The following MYO1D variants were observed in gnomAD, a reference collection of about 807,000 sequenced individuals.
The protein encoded by MYO1D is myosin ID.
In MYO1D, 83 loss-of-function variants were observed where a neutral mutation model predicts 122.0. The ratio of observed to expected loss-of-function variants is 0.68; its 90% confidence interval spans 0.57 to 0.82. MYO1D has a LOEUF of 0.82. Among genes scored for constraint, MYO1D ranks in the 40% least tolerant of loss-of-function variants. The pLI is 0.00. For synonymous variants in MYO1D, 464 were observed against 446.9 expected (o/e 1.04, Z -0.48); for missense variants, 1,157 against 1,269.5 (o/e 0.91, Z 1.35).
intron 21 of MYO1D, among the ~76,000 whole-genome samples, chr17:32,501,551 A>G (rs1909318780): frequency 6.6e-6 from 1 of 152,172 alleles, no homozygotes; most frequent in Non-Finnish European, 1.5e-5. Context: ...TCCATGCTTC[A>G]ATCATGGACA....
chr17:32,565,426 A>G (rs2087163787), intron 21 of MYO1D, among the ~76,000 whole-genome samples: 1 of 151,782 alleles, frequency 6.6e-6, no homozygotes, highest in Non-Finnish European at 1.5e-5. Flanking sequence ...TCCCCCTAAA[A>G]CCTCACCTCT....
intron 1 of MYO1D, among the ~76,000 whole-genome samples, chr17:32,798,966 G>A (rs905814263): frequency 2.0e-5 from 3 of 152,126 alleles, no homozygotes; most frequent in Non-Finnish European, 2.9e-5. Flanking sequence ...ACTACTAAGA[G>A]ATTCATTATT....
At chr17:32,778,603 A>G (rs1567638123) in intron 2 of MYO1D, 30 bp from the exon 3 acceptor site, 18 of 1,557,014 alleles carry the variant, frequency 1.2e-5, no homozygotes, top group Non-Finnish European at 1.4e-5. Context: ...AGGGCTTAAC[A>G]TAATAATTTA....
chr17:32,632,620 C>T (rs992310883), intron 20 of MYO1D: 1 of 143,274 alleles, frequency 7.0e-6, no homozygotes, highest in Admixed American at 7.0e-5. Context: ...CACACACACA[C>T]ACACACATAT....
intron 21 of MYO1D, among the ~76,000 whole-genome samples, chr17:32,587,529 A>G (rs2087400230): frequency 1.3e-5 from 2 of 152,040 alleles, no homozygotes; most frequent in African/African-American, 4.8e-5. Context: ...AAAAAAAAAA[A>G]AGTCACTTGC....
chr17:32,847,788 TAC>T (rs1238352025), intron 1 of MYO1D, among the ~76,000 whole-genome samples: 1 of 152,200 alleles, frequency 6.6e-6, no homozygotes, highest in Non-Finnish European at 1.5e-5. Context: ...ATGCTGAGAT[TAC>T]AGTCATGAGC....
chr17:32,744,292 T>C (rs1488502194), intron 13 of MYO1D, among the ~76,000 whole-genome samples: 2 of 152,212 alleles, frequency 1.3e-5, no homozygotes, highest in Admixed American at 1.3e-4. Flanking sequence ...TCTGCTGAAA[T>C]GTCACCTCTA....
At position 32,733,197 on chromosome 17, in the gene MYO1D, C is replaced by T. The variant is rs534787540; in HGVS notation, c.1746+5056G>A. Among the ~76,000 whole-genome samples the T allele has an allele frequency of 1.1e-4, 17 of 152,304 alleles. No homozygotes were observed. The South Asian group carries it at 3.5e-3, about 32-fold the overall frequency. The stretch of plus-strand genomic sequence containing the variant: ...GGCTGAGTAGGTGGAACAAGCCTGG[C>T]AGGCTTGAGCAAAACTCAGGCAAAG... On this transcript the variant is annotated intron_variant, in intron 14 of 21. Transcript: ENST00000318217.
chr17:32,763,685 C>T (rs1183242756), intron 8 of MYO1D, among the ~76,000 whole-genome samples: 1 of 152,092 alleles, frequency 6.6e-6, no homozygotes, highest in African/African-American at 2.4e-5. Context: ...TTTGGGAGGC[C>T]AAGGCAGGTA....
intron 21 of MYO1D, among the ~76,000 whole-genome samples, chr17:32,521,223 G>A (rs979801814): frequency 6.6e-6 from 1 of 152,056 alleles, no homozygotes; most frequent in Admixed American, 6.5e-5. Flanking sequence ...GCCTCCCTCC[G>A]CTGCCTACTC....
intron 20 of MYO1D, among the ~76,000 whole-genome samples, chr17:32,635,196 G>T (rs906428244): frequency 1.1e-4 from 17 of 152,280 alleles, no homozygotes; most frequent in African/African-American, 4.1e-4. Context: ...GCTGACCCAT[G>T]CTGTCTAGCA....
chr17:32,535,916 T>C (rs1910649520), intron 21 of MYO1D, among the ~76,000 whole-genome samples: 1 of 152,234 alleles, frequency 6.6e-6, no homozygotes, highest in Non-Finnish European at 1.5e-5. Flanking sequence ...AGCTTAACTC[T>C]ATTCCTGCAG....
Position 32,776,014 on chromosome 17 carries a change from C to T in MYO1D, c.414G>A (p.Leu138=), listed in dbSNP as rs759295956. Residue 138 remains leucine (L), a synonymous_variant, in exon 4 of 22, where the codon TTG becomes TTA. Transcript: ENST00000318217. The stretch of plus-strand genomic sequence containing the variant: ...CTTCCAAAACACAGTTGGACTTAAG[C>T]AACATATTCTTCACTCTTTAACACA... ...RAEVERVKNM[L]LKSNCVLEAF... The T allele has an allele frequency of 9.9e-6, 16 of 1,613,610 alleles. No homozygotes were observed. The highest frequency in any genetic ancestry group is 1.4e-5 in the Non-Finnish European group (16 of 1,179,830).
chr17:32,635,699 C>T (rs1164962448), intron 20 of MYO1D, among the ~76,000 whole-genome samples: 5 of 151,520 alleles, frequency 3.3e-5, no homozygotes, highest in African/African-American at 1.2e-4. Context: ...TCTCGGGTGG[C>T]GGGGGGGTGG....
intron 20 of MYO1D, 85 bp from the exon 21 acceptor site, chr17:32,605,326 G>A: frequency 1.5e-6 from 2 of 1,307,454 alleles, no homozygotes; most frequent in Non-Finnish European, 2.1e-6. Context: ...TGGGCATGGT[G>A]GCATGTGCCT....
chr17:32,657,369 G>C (rs557801084), intron 17 of MYO1D, among the ~76,000 whole-genome samples: 11 of 152,248 alleles, frequency 7.2e-5, no homozygotes, highest in Non-Finnish European at 1.5e-4. Flanking sequence ...CCAATGGTCT[G>C]TCTTGGTACT....
At chr17:32,649,777 G>A (rs541135841) in intron 19 of MYO1D, among the ~76,000 whole-genome samples, 1 of 151,942 alleles carries the variant, frequency 6.6e-6, no homozygotes, top group South Asian at 2.1e-4. Flanking sequence ...TCACCATGTT[G>A]GCCAGGCTGG....
intron 16 of MYO1D, among the ~76,000 whole-genome samples, chr17:32,670,186 G>A (rs1432691697): frequency 1.3e-5 from 2 of 152,074 alleles, no homozygotes; most frequent in Admixed American, 6.6e-5. Context: ...GTGAGCCACT[G>A]TGCCTGGCTG....
chr17:32,723,553 G>A (rs1484407671), intron 14 of MYO1D, among the ~76,000 whole-genome samples: 2 of 151,530 alleles, frequency 1.3e-5, no homozygotes, highest in East Asian at 3.9e-4. Context: ...TCTCGAATCT[G>A]GCTTGGCCTG....
Sources: gnomAD v4.1 joint callset for allele counts (sites outside exome capture counted in the v4.1 genomes callset) on GRCh38, gnomAD v4.1.1 for gene constraint, MANE v1.5 for transcripts, NCBI Gene and HGNC (gene_info 2026-07-23, HGNC 2026-07-21) for gene names.